Variants in MRAP2 observed in about 807,000 individuals in gnomAD.
MRAP2 encodes the protein melanocortin 2 receptor accessory protein 2.
Under a neutral mutation model 17.4 loss-of-function variants are expected in MRAP2, and 20 were observed. The observed-to-expected ratio is 1.15, with a 90% CI of 0.81 to 1.67. MRAP2 has a LOEUF of 1.67. MRAP2 is among the 40% of genes most tolerant of loss of function. The pLI, the probability that MRAP2 is intolerant of heterozygous loss-of-function variation, is 0.00. For synonymous variants in MRAP2, 96 were observed against 88.4 expected, an observed-to-expected ratio of 1.09 and a Z score of -0.48; for missense variants, 238 against 240.0, an observed-to-expected ratio of 0.99 and a Z score of 0.05.
chr6:84,052,071 G>T (rs754985898), intron 1 of MRAP2, among the ~76,000 whole-genome samples: 1 of 152,170 alleles, frequency 6.6e-6, no homozygotes, highest in Non-Finnish European at 1.5e-5. Flanking sequence ...GAGCAATTTA[G>T]TCTCTCCCTC....
At chr6:84,077,169 G>T (rs540463420) in intron 3 of MRAP2, among the ~76,000 whole-genome samples, 1 of 152,346 alleles carries the variant, frequency 6.6e-6, no homozygotes, top group East Asian at 1.9e-4. Flanking sequence ...AGGCAGAAAA[G>T]GATGCATCCT....
chr6:84,103,709 G>A, the MRAP2 span, among the ~76,000 whole-genome samples: 2 of 152,158 alleles, frequency 1.3e-5, no homozygotes, highest in Non-Finnish European at 2.9e-5. Context: ...CATAGACCTT[G>A]TGTAGCTCTA....
the MRAP2 span, among the ~76,000 whole-genome samples, chr6:84,096,768 C>T: frequency 6.6e-6 from 1 of 152,180 alleles, no homozygotes; most frequent in East Asian, 1.9e-4. Flanking sequence ...TCAGTCCCAT[C>T]CTGAGGCAGG....
chr6:84,088,476 T>C (rs1269794105), intron 3 of MRAP2, among the ~76,000 whole-genome samples: 1 of 152,206 alleles, frequency 6.6e-6, no homozygotes, highest in African/African-American at 2.4e-5. Context: ...GTGGGCAATT[T>C]GACTGCTCCT....
At chr6:84,073,405 C>A (rs768842786) in intron 3 of MRAP2, among the ~76,000 whole-genome samples, 14 of 152,238 alleles carry the variant, frequency 9.2e-5, no homozygotes, top group Admixed American at 2.0e-4. Context: ...TTTCCCACTT[C>A]TGCAGTTGGG....
the MRAP2 span, among the ~76,000 whole-genome samples, chr6:84,105,661 T>C: frequency 6.6e-6 from 1 of 152,186 alleles, no homozygotes; most frequent in African/African-American, 2.4e-5. Context: ...TACTGTTCTC[T>C]ACCTCCATTG....
chr6:84,125,216 T>C, the MRAP2 span: 1 of 1,613,676 alleles, frequency 6.2e-7, no homozygotes, highest in South Asian at 1.1e-5. Flanking sequence ...GCCAGTCTTT[T>C]CCATTTTTCA....
chr6:84,061,179 C>T (rs2099493072), intron 2 of MRAP2, among the ~76,000 whole-genome samples: 1 of 152,120 alleles, frequency 6.6e-6, no homozygotes, highest in South Asian at 2.1e-4. Context: ...AATTGTTAAT[C>T]TGATTTCTTC....
At chr6:84,128,571 T>G in the MRAP2 span, among the ~76,000 whole-genome samples, 1 of 152,158 alleles carries the variant, frequency 6.6e-6, no homozygotes, top group Non-Finnish European at 1.5e-5. Flanking sequence ...TATTTCACTT[T>G]CCTTAGCATC....
chr6:84,045,985 G>C (rs910097627), intron 1 of MRAP2, among the ~76,000 whole-genome samples: 2 of 152,122 alleles, frequency 1.3e-5, no homozygotes, highest in Non-Finnish European at 2.9e-5. Flanking sequence ...GTTTGTAAAG[G>C]GGGTGAGTAT....
At chr6:84,126,267 C>T in the MRAP2 span, 3 of 649,304 alleles carry the variant, frequency 4.6e-6, no homozygotes, top group South Asian at 1.0e-4. Flanking sequence ...GATCAAAATA[C>T]ACTGGAAACA....
chr6:84,104,799 C>T, the MRAP2 span, among the ~76,000 whole-genome samples: 6,461 of 152,074 alleles, frequency 0.042, 198 homozygotes, highest in Admixed American at 0.086. Context: ...ACCCAGGAGG[C>T]GGAGCTTGCA....
the MRAP2 span, among the ~76,000 whole-genome samples, chr6:84,144,382 A>G: frequency 1.3e-5 from 2 of 152,172 alleles, no homozygotes; most frequent in African/African-American, 2.4e-5. Context: ...TTAATATCTT[A>G]ATGTTGTATT....
chr6:84,043,086 C>T (rs1419477437), intron 1 of MRAP2, among the ~76,000 whole-genome samples: 8 of 152,334 alleles, frequency 5.3e-5, no homozygotes, highest in East Asian at 1.9e-4. Context: ...ATTTAAGACA[C>T]GGCCAGTCTC....
chr6:84,073,966 CA>C (rs2099496923), intron 3 of MRAP2, among the ~76,000 whole-genome samples: 1 of 150,802 alleles, frequency 6.6e-6, no homozygotes, highest in Non-Finnish European at 1.5e-5. Flanking sequence ...ATTCTTCTTC[CA>C]ATGTGGTCCA....
At chr6:84,049,879 G>A (rs2099489970) in intron 1 of MRAP2, among the ~76,000 whole-genome samples, 1 of 152,128 alleles carries the variant, frequency 6.6e-6, no homozygotes. Context: ...GGGTAATTGA[G>A]TACTTTCTAG....
chr6:84,040,162 G>C (rs2099487150), intron 1 of MRAP2, among the ~76,000 whole-genome samples: 1 of 152,150 alleles, frequency 6.6e-6, no homozygotes, highest in African/African-American at 2.4e-5. Flanking sequence ...GAGACTGATG[G>C]TTTCATAAGA....
At chr6:84,068,716 GC>G (rs1562884107) in intron 3 of MRAP2, among the ~76,000 whole-genome samples, 1 of 148,736 alleles carries the variant, frequency 6.7e-6, no homozygotes, top group African/African-American at 2.5e-5. Flanking sequence ...CCGCTTGGTC[GC>G]TGTTGGTGTA....
chr6:84,121,398 C>G, the MRAP2 span, among the ~76,000 whole-genome samples: 1 of 152,158 alleles, frequency 6.6e-6, no homozygotes, highest in Non-Finnish European at 1.5e-5. Flanking sequence ...AATCCAAGCA[C>G]TTTGGGAGGC....
Sources: allele counts gnomAD v4.1 joint callset (sites outside exome capture counted in the v4.1 genomes callset), GRCh38; gene constraint gnomAD v4.1.1; transcripts MANE v1.5; gene names NCBI Gene and HGNC (gene_info 2026-07-23, HGNC 2026-07-21).